The following C7 variants were observed in gnomAD, a reference collection of about 807,000 sequenced individuals.
C7 encodes the protein complement component C7.
C7 carries 83 observed loss-of-function variants against 104.8 expected under a neutral mutation model. That is an observed-to-expected ratio of 0.79 (90% CI 0.66 to 0.95). The LOEUF (loss-of-function observed/expected upper bound fraction) is 0.95, where lower values mean the gene tolerates loss of function less well. Among genes scored for constraint, C7 ranks in the 40% least tolerant of loss-of-function variants. The probability of loss-of-function intolerance (pLI) is 0.00; values close to 1 mark genes in which losing one functional copy is unlikely to be tolerated. For synonymous variants in C7, 415 were observed against 360.6 expected (o/e 1.15, Z -1.71); for missense variants, 1,070 against 1,011.2 (o/e 1.06, Z -0.79).
rs569142879 is a variant in C7 at position 40,962,134 on chromosome 5, T to C, written c.1711T>C (p.Cys571Arg). The C allele has an allele frequency of 3.2e-6, 5 of 1,572,254 alleles. No homozygotes were observed. The East Asian group carries it at 1.1e-4, about 36-fold the overall frequency. ...TTTGTCTTTGGTTCCAACAGAATTC[T>C]GTCCATCACCTCCTGCCTTGAAAGA... Reference protein sequence around the residue: ...FPLSLVPTEFCPSPPALKDGF... With the variant: ...FPLSLVPTEFRPSPPALKDGF... Residue 571 changes from cysteine (C) to arginine (R), a missense_variant, in exon 13 of 18, where the codon TGT becomes CGT. Physicochemically the swap from Cys to Arg is radical, Grantham distance 180. Coordinates refer to ENST00000313164, the MANE Select transcript of C7 (RefSeq NM_000587.4).
intron 1 of C7, among the ~76,000 whole-genome samples, chr5:40,925,685 T>A (rs4277954): frequency 0.23 from 34,500 of 152,042 alleles, 4,110 homozygotes; most frequent in East Asian, 0.32. Context: ...TAATTGGGTC[T>A]TGGTTCTGTA....
At chr5:40,943,697 G>GTA (rs200433605) in intron 6 of C7, among the ~76,000 whole-genome samples, 1,477 of 147,398 alleles carry the variant, frequency 0.01, 27 homozygotes, top group African/African-American at 0.037. Context: ...GTGTGTGTGT[G>GTA]TATATATATA....
At chr5:40,917,730 G>C (rs1370443189) in intron 1 of C7, among the ~76,000 whole-genome samples, 1 of 152,132 alleles carries the variant, frequency 6.6e-6, no homozygotes, top group Non-Finnish European at 1.5e-5. Flanking sequence ...AACTTAAAAA[G>C]ATAAGCAGAG....
chr5:40,911,740 C>CTTTTT (rs536500122), intron 1 of C7, among the ~76,000 whole-genome samples: 2 of 138,644 alleles, frequency 1.4e-5, no homozygotes, highest in African/African-American at 2.7e-5. Flanking sequence ...TTCTTTCTTT[C>CTTTTT]TTTTTTTTTT....
chr5:40,972,947 T>A (rs1740731794), intron 15 of C7, among the ~76,000 whole-genome samples: 1 of 152,252 alleles, frequency 6.6e-6, no homozygotes, highest in Admixed American at 6.5e-5. Context: ...CCTGCATTTT[T>A]CATAAGTACA....
intron 8 of C7, 67 bp from the exon 9 acceptor site, chr5:40,949,837 T>C (rs1055339140): frequency 9.4e-6 from 9 of 961,632 alleles, no homozygotes; most frequent in Non-Finnish European, 1.5e-5. Context: ...TTATCCCTAC[T>C]CTCATATCTG....
chr5:40,935,814 A>G (rs1022177003), intron 4 of C7, among the ~76,000 whole-genome samples: 2 of 152,148 alleles, frequency 1.3e-5, no homozygotes, highest in African/African-American at 4.8e-5. Flanking sequence ...AGTATTTCCT[A>G]TTAGATTGTA....
At chr5:40,944,703 G>A (rs765238212) in intron 6 of C7, among the ~76,000 whole-genome samples, 11 of 152,122 alleles carry the variant, frequency 7.2e-5, no homozygotes, top group Non-Finnish European at 1.2e-4. Context: ...AGAAAAAAAT[G>A]CAATTTTAGC....
intron 6 of C7, among the ~76,000 whole-genome samples, chr5:40,940,813 G>A (rs1739919651): frequency 6.6e-6 from 1 of 152,074 alleles, no homozygotes; most frequent in Non-Finnish European, 1.5e-5. Flanking sequence ...TGATAAAACA[G>A]AGGCAAAAAA....
At position 40,982,216 on chromosome 5, in the gene C7, T is replaced by G. The variant is rs1418024409; in HGVS notation, c.*643T>G. 1 of 152,146 alleles carries G rather than the reference T, an allele frequency of 6.6e-6. No individual in the cohort carries two copies. Among genetic ancestry groups the G allele is most frequent in the Non-Finnish European group, 1.5e-5 (1 of 68,046 alleles). 9.4% of individuals were successfully genotyped at this position (152,146 alleles called of 1,614,324 possible). A position where few individuals can be genotyped will look rare whatever the true frequency, so the allele number is the denominator to read the frequency against. ...TGGAGCGCAGTGGGGTGATCTCATC[T>G]CCCTGCAACCTCCGCCTCCTGGGTT... On this transcript the variant is annotated 3_prime_UTR_variant, in exon 18 of 18. Transcript: ENST00000313164.
chr5:40,955,059 G>A (rs1379644063), intron 9 of C7: 1 of 279,036 alleles, frequency 3.6e-6, no homozygotes, highest in Non-Finnish European at 6.8e-6. Flanking sequence ...TAACAGAGTG[G>A]AACATTTGTT....
rs535180901 is a variant in C7, at chr5:40,966,900, A to G, written c.1882+2027A>G. Among the ~76,000 whole-genome samples the G allele has an allele frequency of 1.1e-3, 166 of 152,228 alleles. 2 individuals carry two copies. The highest frequency in any genetic ancestry group is 3.9e-3 in the African/African-American group (160 of 41,524). On this transcript the variant is annotated intron_variant, in intron 14 of 17. Transcript: ENST00000313164. ...TCTTTCTCTTGGAATCCTTAAGCAG[A>G]AACAAATGAAATAGAATATGAATAT...
intron 9 of C7, chr5:40,954,840 G>A (rs1196617488): frequency 5.8e-6 from 1 of 172,574 alleles, no homozygotes; most frequent in Non-Finnish European, 9.9e-6. Context: ...GTATGCCACT[G>A]CACTCCAGCC....
chr5:40,967,692 T>C, intron 14 of C7: 1 of 191,132 alleles, frequency 5.2e-6, no homozygotes, highest in Non-Finnish European at 1.1e-5. Flanking sequence ...TTTTACCCTC[T>C]TGTCATCTTC....
At chr5:40,917,631 G>A (rs1219399672) in intron 1 of C7, among the ~76,000 whole-genome samples, 2 of 152,018 alleles carry the variant, frequency 1.3e-5, no homozygotes, top group Non-Finnish European at 2.9e-5. Context: ...CATTTACTTT[G>A]GCTATATACC....
At chr5:40,972,802 C>T (rs571019086) in intron 15 of C7, among the ~76,000 whole-genome samples, 3 of 152,286 alleles carry the variant, frequency 2.0e-5, no homozygotes, top group South Asian at 2.1e-4. Context: ...CAAGGATAGC[C>T]TGGTGATTCT....
intron 3 of C7, among the ~76,000 whole-genome samples, chr5:40,932,354 A>G (rs1446639656): frequency 6.6e-6 from 1 of 152,124 alleles, no homozygotes; most frequent in Non-Finnish European, 1.5e-5. Context: ...TTGAATGTAG[A>G]TATCTGTCCT....
rs186608870 is a variant in C7, at chr5:40,930,664, G to A, written c.63-400G>A. Among the ~76,000 whole-genome samples the A allele has an allele frequency of 3.3e-3, 503 of 152,134 alleles. 1 individual carries two copies. The highest frequency in any genetic ancestry group is 0.012 in the African/African-American group (482 of 41,488). On this transcript the variant is annotated intron_variant, in intron 2 of 17. Transcript: ENST00000313164. ...TGCAGCCTCCATCTCCTGGGTTCCA[G>A]TGATTCTCCTGCCTCAGCCTCCCGG...
At chr5:40,910,659 G>A (rs1484454191) in intron 1 of C7, among the ~76,000 whole-genome samples, 3 of 151,838 alleles carry the variant, frequency 2.0e-5, no homozygotes, top group African/African-American at 7.2e-5. Flanking sequence ...GAAAATTAAC[G>A]CAGGAACAGA....
Sources: gnomAD v4.1 joint callset for allele counts (sites outside exome capture counted in the v4.1 genomes callset) on GRCh38, gnomAD v4.1.1 for gene constraint, MANE v1.5 for transcripts, NCBI Gene and HGNC (gene_info 2026-07-23, HGNC 2026-07-21) for gene names.